The following IFNAR2 variants were observed in gnomAD, a reference collection of about 807,000 sequenced individuals.
IFNAR2 encodes the protein interferon alpha/beta receptor 2.
In IFNAR2, 30 loss-of-function variants were observed where a neutral mutation model predicts 49.4. The ratio of observed to expected loss-of-function variants is 0.61; its 90% CI spans 0.45 to 0.82. The LOEUF (loss-of-function observed/expected upper bound fraction) is 0.82, where lower values mean the gene tolerates loss of function less well. IFNAR2 is among the 40% of genes least tolerant of loss of function. IFNAR2 has a pLI of 0.00. For missense variants in IFNAR2, 600 were observed against 622.7 expected, an observed-to-expected ratio of 0.96 and a Z score of 0.39; for synonymous variants, 224 against 234.5, an observed-to-expected ratio of 0.96 and a Z score of 0.41.
intron 7 of IFNAR2, 185 bp downstream of exon 7, chr21:33,253,015 G>T: frequency 1.6e-6 from 1 of 623,222 alleles, no homozygotes; most frequent in Non-Finnish European, 2.9e-6. Flanking sequence ...CTTTTATATT[G>T]TCATACCAAA....
chr21:33,260,989 C>A (rs888526702), intron 8 of IFNAR2, among the ~76,000 whole-genome samples: 8 of 140,300 alleles, frequency 5.7e-5, no homozygotes, highest in Non-Finnish European at 1.2e-4. Flanking sequence ...TATACATGTG[C>A]AGTTGTAAGT....
At chr21:33,250,067 A>AG (rs1450637437) in intron 6 of IFNAR2, among the ~76,000 whole-genome samples, 2 of 152,194 alleles carry the variant, frequency 1.3e-5, no homozygotes, top group Non-Finnish European at 2.9e-5. Context: ...GATGGGAGTT[A>AG]GGAGACCAAC....
At chr21:33,239,246 T>C (rs967928470) in intron 1 of IFNAR2, among the ~76,000 whole-genome samples, 20 of 152,128 alleles carry the variant, frequency 1.3e-4, no homozygotes, top group African/African-American at 4.6e-4. Context: ...CTTCTGGTTG[T>C]GTTCAGCCGA....
intron 3 of IFNAR2, 146 bp from the exon 4 acceptor site, chr21:33,244,805 A>T: frequency 1.4e-6 from 1 of 708,226 alleles, no homozygotes; most frequent in Non-Finnish European, 2.5e-6. Context: ...CATGTCCTGT[A>T]GACTTCCTGT....
intron 5 of IFNAR2, among the ~76,000 whole-genome samples, chr21:33,247,970 A>G (rs577579751): frequency 2.0e-5 from 3 of 152,368 alleles, no homozygotes; most frequent in Admixed American, 6.5e-5. Context: ...TACACACAGA[A>G]AAGAAAGAAA....
rs778431752 is a variant in IFNAR2, at chr21:33,262,873, C to A, written c.921C>A (p.Ile307=). 9.9e-6 allele frequency: 16 copies of A among 1,613,524 alleles called. No individual in the cohort carries two copies. Among genetic ancestry groups the A allele is most frequent in the Non-Finnish European group, 1.4e-5 (16 of 1,179,946 alleles). The part of the protein sequence containing the change: ...EAMDMVEVIY[I]NRKKKVWDYN... ...TGGATATGGTGGAGGTCATTTACAT[C>A]AACAGAAAGAAGAAAGTGTGGGATT... The change falls in exon 9 of 9, where the codon ATC becomes ATA. Residue 307 remains isoleucine, a synonymous_variant. Coordinates refer to ENST00000342136, the MANE Select transcript of IFNAR2 (RefSeq NM_001289125.3).
chr21:33,252,472 A>G, intron 6 of IFNAR2, 190 bp from the exon 7 acceptor site: 4 of 985,248 alleles, frequency 4.1e-6, no homozygotes, highest in Non-Finnish European at 4.8e-6. Flanking sequence ...GTGCAGGTGT[A>G]TATTAAAAGT....
chr21:33,242,293 A>C (rs1986996589), intron 2 of IFNAR2, among the ~76,000 whole-genome samples: 1 of 152,218 alleles, frequency 6.6e-6, no homozygotes, highest in Non-Finnish European at 1.5e-5. Flanking sequence ...TCTTTGATAA[A>C]TGTCTTTTAC....
Position 33,263,862 on chromosome 21 carries a change from T to C in IFNAR2, c.*362T>C, listed in dbSNP as rs963607068. 1.8e-4 allele frequency: 31 copies of C among 172,302 alleles called. No individual in the cohort carries two copies. The highest frequency in any genetic ancestry group is 3.5e-4 in the Non-Finnish European group (28 of 80,766). 10.7% of individuals were successfully genotyped at this position (172,302 alleles called of 1,614,324 possible). On this transcript the variant is annotated 3_prime_UTR_variant, in exon 9 of 9. Coordinates refer to ENST00000342136, the MANE Select transcript of IFNAR2 (RefSeq NM_001289125.3). ...ATTTCTCTTCTTTCGTTCTTTTTTT[T>C]TTTTTTTTTTGAGACAGAGTCTCGT...
chr21:33,243,785 A>G, intron 3 of IFNAR2, 71 bp downstream of exon 3: 7 of 1,058,712 alleles, frequency 6.6e-6, no homozygotes, highest in Non-Finnish European at 1.0e-5. Flanking sequence ...ATTCAGAGGT[A>G]TAAAATGTGG....
chr21:33,243,136 T>A (rs1013107550), intron 2 of IFNAR2, among the ~76,000 whole-genome samples: 1 of 151,354 alleles, frequency 6.6e-6, no homozygotes, highest in Non-Finnish European at 1.5e-5. Context: ...CAGGCTGGAA[T>A]GCAGTGAGCG....
chr21:33,253,645 G>C (rs937591477), intron 7 of IFNAR2, among the ~76,000 whole-genome samples: 4 of 152,208 alleles, frequency 2.6e-5, no homozygotes, highest in African/African-American at 9.6e-5. Context: ...AGTAAAGAAT[G>C]ACTACTCTAT....
chr21:33,234,863 A>C (rs1224545683), intron 1 of IFNAR2: 2 of 382,668 alleles, frequency 5.2e-6, no homozygotes, highest in Non-Finnish European at 7.2e-6. Context: ...AAGAAAGTCA[A>C]GGAATGAAAG....
At chr21:33,248,610 C>T (rs1987616075) in intron 5 of IFNAR2, 99 bp from the exon 6 acceptor site, 5 of 1,119,216 alleles carry the variant, frequency 4.5e-6, no homozygotes, top group Non-Finnish European at 6.1e-6. Flanking sequence ...CAGGACTTGG[C>T]AGATTTTCTA....
chr21:33,246,055 C>G (rs1987373134), intron 4 of IFNAR2, among the ~76,000 whole-genome samples: 1 of 151,066 alleles, frequency 6.6e-6, no homozygotes, highest in South Asian at 2.1e-4. Flanking sequence ...TTCATTCATT[C>G]ATTTACTCAT....
rs1051393 is a variant in IFNAR2 at position 33,241,950 on chromosome 21, T to A, written c.28T>A (p.Phe10Ile). The change falls in exon 2 of 9, where the codon TTC becomes ATC. Residue 10 changes from phenylalanine to isoleucine, a missense_variant. By Grantham distance (21) the Phe-to-Ile change is conservative (BLOSUM62 0). Coordinates refer to ENST00000342136, the MANE Select transcript of IFNAR2 (RefSeq NM_001289125.3). The stretch of plus-strand genomic sequence containing the variant: ...GCTTTTGAGCCAGAATGCCTTCATC[T>A]TCAGATCACTTAATTTGGTTCTCAT... MLLSQNAFI[F>I]RSLNLVLMVY... The A allele has an allele frequency of 1.4e-5, 23 of 1,612,154 alleles. 1 individual carries two copies. The African/African-American group carries it at 2.9e-4, about 21-fold the overall frequency.
At chr21:33,242,087 T>C in intron 2 of IFNAR2, 110 bp downstream of exon 2, 4 of 928,828 alleles carry the variant, frequency 4.3e-6, no homozygotes, top group Non-Finnish European at 6.6e-6. Context: ...GAGGACCCAG[T>C]ACCACCCTGC....
intron 2 of IFNAR2, 98 bp downstream of exon 2, chr21:33,242,075 T>G: frequency 8.7e-7 from 1 of 1,143,472 alleles, no homozygotes; most frequent in Non-Finnish European, 1.3e-6. Context: ...TTTCCCTGAC[T>G]AGAGGACCCA....
At chr21:33,250,964 G>A (rs1244267047) in intron 6 of IFNAR2, among the ~76,000 whole-genome samples, 1 of 152,182 alleles carries the variant, frequency 6.6e-6, no homozygotes, top group African/African-American at 2.4e-5. Context: ...AATTCCAGGT[G>A]TCCGTAAGGA....
Sources: gnomAD v4.1 joint callset for allele counts (sites outside exome capture counted in the v4.1 genomes callset) on GRCh38, gnomAD v4.1.1 for gene constraint, MANE v1.5 for transcripts, NCBI Gene and HGNC (gene_info 2026-07-23, HGNC 2026-07-21) for gene names.